Variants in VPS13A observed in about 807,000 individuals in gnomAD.
VPS13A encodes intermembrane lipid transfer protein VPS13A.
In VPS13A, 264 loss-of-function variants were observed where a neutral mutation model predicts 390.9. The observed-to-expected ratio is 0.68, with a 90% CI of 0.61 to 0.75. VPS13A has a LOEUF of 0.75. Among genes scored for constraint, VPS13A ranks in the 30% least tolerant of loss-of-function variants. VPS13A has a pLI of 0.00. For missense variants in VPS13A, 3,409 were observed against 3,733.9 expected (o/e 0.91, Z 2.27); for synonymous variants, 1,231 against 1,227.1 (o/e 1.00, Z -0.07).
intron 59 of VPS13A, 29 bp downstream of exon 59, chr9:77,360,670 G>A: frequency 6.8e-7 from 1 of 1,476,528 alleles, no homozygotes; most frequent in Non-Finnish European, 9.5e-7. Context: ...ACATTTGATG[G>A]AAAGGATTAG....
At chr9:77,358,856 C>T (rs1386606225) in intron 57 of VPS13A, among the ~76,000 whole-genome samples, 1 of 151,998 alleles carries the variant, frequency 6.6e-6, no homozygotes, top group African/African-American at 2.4e-5. Context: ...TTCTTGTTTC[C>T]TGCATATCCC....
At chr9:77,290,062 G>A (rs1016278735) in intron 31 of VPS13A, among the ~76,000 whole-genome samples, 30 of 152,132 alleles carry the variant, frequency 2.0e-4, no homozygotes, top group African/African-American at 6.0e-4. Context: ...GATTACAGGC[G>A]TGAGCCACCG....
chr9:77,318,918 G>A lies in VPS13A; in HGVS notation c.5313+327G>A, dbSNP rs372645316. Among the ~76,000 whole-genome samples, 172 of 152,042 alleles carry A rather than the reference G, an allele frequency of 1.1e-3. 1 individual carries two copies. The highest frequency in any genetic ancestry group is 4.0e-3 in the African/African-American group (168 of 41,482). On this transcript the variant is annotated intron_variant, in intron 41 of 71. Transcript: ENST00000360280. ...TTTTAAAGAGTTAAATTGAGGCCAG[G>A]CCCAGTGGCTCACCTGTAATCCCAG...
chr9:77,242,375 A>C (rs1417534420), intron 19 of VPS13A, among the ~76,000 whole-genome samples: 1 of 152,100 alleles, frequency 6.6e-6, no homozygotes, highest in African/African-American at 2.4e-5. Flanking sequence ...ATCTTGATTC[A>C]TTATTAATTT....
chr9:77,204,956 A>G (rs1382243604), intron 3 of VPS13A, among the ~76,000 whole-genome samples: 1 of 152,166 alleles, frequency 6.6e-6, no homozygotes, highest in East Asian at 1.9e-4. Flanking sequence ...GCATTAAAAA[A>G]TATAGGTTTA....
intron 34 of VPS13A, among the ~76,000 whole-genome samples, chr9:77,304,165 A>G (rs1206688529): frequency 6.6e-6 from 1 of 152,166 alleles, no homozygotes; most frequent in African/African-American, 2.4e-5. Context: ...AGACTAGAGA[A>G]TGGCAATGAC....
At chr9:77,322,821 T>A (rs1829821572) in intron 44 of VPS13A, among the ~76,000 whole-genome samples, 1 of 152,034 alleles carries the variant, frequency 6.6e-6, no homozygotes, top group South Asian at 2.1e-4. Context: ...TTGCTCTCAT[T>A]ACTCATTTTT....
chr9:77,390,345 A>C (rs1272368962), intron 68 of VPS13A, among the ~76,000 whole-genome samples: 1 of 152,158 alleles, frequency 6.6e-6, no homozygotes, highest in Non-Finnish European at 1.5e-5. Context: ...GGATACAATT[A>C]TCATACCTTA....
chr9:77,278,991 G>A (rs1276674250), intron 26 of VPS13A, among the ~76,000 whole-genome samples: 1 of 152,198 alleles, frequency 6.6e-6, no homozygotes, highest in Non-Finnish European at 1.5e-5. Context: ...CCCCAGGACA[G>A]CATCTAGGGG....
intron 23 of VPS13A, among the ~76,000 whole-genome samples, chr9:77,267,669 C>G (rs1232661164): frequency 6.6e-6 from 1 of 152,224 alleles, no homozygotes; most frequent in Non-Finnish European, 1.5e-5. Flanking sequence ...AGAAGGCAGT[C>G]TGTCTCTTAG....
chr9:77,348,902 T>C (rs1376188388), intron 52 of VPS13A, among the ~76,000 whole-genome samples: 1 of 152,184 alleles, frequency 6.6e-6, no homozygotes, highest in Non-Finnish European at 1.5e-5. Flanking sequence ...TTAAAATTTG[T>C]ATGAATTAAG....
At chr9:77,283,202 T>G (rs1038726340) in intron 29 of VPS13A, among the ~76,000 whole-genome samples, 153 bp from the exon 30 acceptor site, 2 of 152,160 alleles carry the variant, frequency 1.3e-5, no homozygotes, top group African/African-American at 4.8e-5. Flanking sequence ...TTCAATTCAG[T>G]AGGGAATATC....
rs148023188 is a variant in VPS13A at position 77,308,212 on chromosome 9, C to T, written c.4114+114C>T. 297 of 1,163,078 alleles carry T rather than the reference C, an allele frequency of 2.6e-4. 2 individuals are homozygous for T. In the Middle Eastern group the frequency reaches 8.5e-3, roughly 33 times the overall value. 72.0% of individuals were successfully genotyped at this position (1,163,078 alleles called of 1,614,324 possible). On this transcript the variant is annotated intron_variant, in intron 35 of 71. Coordinates refer to ENST00000360280, the MANE Select transcript of VPS13A (RefSeq NM_033305.3). ...CCTCCTTCCTCCCCTCTTTCTCCCT[C>T]CTTTCCTTCTTTCTTTCCTTCTTTT... is the stretch of plus-strand genomic sequence containing the variant.
At chr9:77,323,031 AT>A (rs1319068064) in intron 44 of VPS13A, 35 bp from the exon 45 acceptor site, 20 of 1,488,848 alleles carry the variant, frequency 1.3e-5, no homozygotes, top group African/African-American at 4.2e-5. Context: ...GTAATGAATT[AT>A]AATAAAAACT....
intron 9 of VPS13A, among the ~76,000 whole-genome samples, chr9:77,213,947 T>G (rs1456392985): frequency 1.3e-5 from 2 of 152,178 alleles, no homozygotes; most frequent in Non-Finnish European, 2.9e-5. Flanking sequence ...ATTTTTCTTT[T>G]GCAGATAATA....
In VPS13A at chr9:77,415,542, C is replaced by G. The variant is rs533075735; in HGVS notation, c.9475-414C>G. ...GAATAGAAAATATATTGTGAGAGCA[C>G]CTAAAATGCTCAAGAATGTTGCTTC... is the stretch of plus-strand genomic sequence containing the variant. On this transcript the variant is annotated intron_variant, in intron 71 of 71. Transcript: ENST00000360280. 9.7e-4 allele frequency among the ~76,000 whole-genome samples: 147 copies of G among 152,160 alleles called. 1 individual carries two copies. Among genetic ancestry groups the G allele is most frequent in the Non-Finnish European group, 1.8e-3 (124 of 68,014 alleles).
At chr9:77,339,486 TTTGTTTTG>T in intron 47 of VPS13A, 22 bp from the exon 48 acceptor site, 3 of 1,455,846 alleles carry the variant, frequency 2.1e-6, no homozygotes, top group South Asian at 2.6e-5. Flanking sequence ...CATTTTAAAT[TTTGTTTTG>T]TTTTTTTTTT....
chr9:77,400,429 T>A, intron 68 of VPS13A, among the ~76,000 whole-genome samples: 1 of 152,112 alleles, frequency 6.6e-6, no homozygotes. Context: ...ACTGTTTATT[T>A]GCTTATCGTT....
intron 68 of VPS13A, among the ~76,000 whole-genome samples, chr9:77,397,484 G>A (rs11145410): frequency 0.17 from 25,909 of 152,024 alleles, 2,795 homozygotes; most frequent in East Asian, 0.32. Context: ...CTTTGGTTGG[G>A]ACTTAAAGCC....
Sources: gnomAD v4.1 joint callset for allele counts (sites outside exome capture counted in the v4.1 genomes callset) on GRCh38, gnomAD v4.1.1 for gene constraint, MANE v1.5 for transcripts, NCBI Gene and HGNC (gene_info 2026-07-23, HGNC 2026-07-21) for gene names.